The following MALRD1 variants were observed in gnomAD, a reference collection of about 807,000 sequenced individuals.
MALRD1 encodes the protein MAM and LDL receptor class A domain containing 1.
MALRD1 carries 247 observed loss-of-function variants against 242.1 expected under a neutral mutation model. The observed-to-expected ratio is 1.02, with a 90% CI of 0.92 to 1.13. The LOEUF (loss-of-function observed/expected upper bound fraction) is 1.13. Ranked by LOEUF, MALRD1 falls within the 50% of genes most tolerant of loss-of-function variation. MALRD1 has a pLI of 0.00. For synonymous variants in MALRD1, 995 were observed against 866.6 expected, an observed-to-expected ratio of 1.15 and a Z score of -2.60; for missense variants, 2,989 against 2,533.1, an observed-to-expected ratio of 1.18 and a Z score of -3.86.
At position 19,387,541 on chromosome 10, in the gene MALRD1, T is replaced by A; in HGVS notation, c.4455T>A (p.Leu1485=). Residue 1485 remains leucine (L), a synonymous_variant, in exon 27 of 40, where the codon CTT becomes CTA. Transcript: ENST00000454679. ...AVPLPTGFCP[L]GYRECHNGKC... ...GTTTTGTTTTAGGTTTCTGCCCACTTGGCTATAGGGAATGTCATAATGGAA... is the reference window on the plus strand; with the variant it reads ...GTTTTGTTTTAGGTTTCTGCCCACTAGGCTATAGGGAATGTCATAATGGAA... The A allele has an allele frequency of 1.3e-6, 2 of 1,550,172 alleles. No homozygotes were observed. Among genetic ancestry groups the A allele is most frequent in the South Asian group, 1.2e-5 (1 of 84,014 alleles).
intron 15 of MALRD1, among the ~76,000 whole-genome samples, 159 bp downstream of exon 15, chr10:19,204,039 C>G (rs17721294): frequency 0.065 from 9,943 of 152,206 alleles, 435 homozygotes; most frequent in Middle Eastern, 0.11. Flanking sequence ...GGACTGATTC[C>G]TTTATGGGTG....
intron 10 of MALRD1, among the ~76,000 whole-genome samples, chr10:19,143,020 A>G (rs1833605115): frequency 6.6e-6 from 1 of 152,250 alleles, no homozygotes; most frequent in Non-Finnish European, 1.5e-5. Flanking sequence ...AGGTTCTTAC[A>G]GAGGTGGTTG....
At chr10:19,648,744 A>G (rs1840749800) in intron 36 of MALRD1, among the ~76,000 whole-genome samples, 2 of 151,330 alleles carry the variant, frequency 1.3e-5, no homozygotes, top group Non-Finnish European at 1.5e-5. Context: ...TGCTAAAACA[A>G]TTTTTTAAAC....
rs529736527 is a variant in MALRD1 at position 19,298,720 on chromosome 10, G to T, written c.3419+15539G>T. Among the ~76,000 whole-genome samples the T allele has an allele frequency of 2.0e-5, 3 of 152,084 alleles. No individual in the cohort carries two copies. In the South Asian group the frequency reaches 6.2e-4, roughly 32 times the overall value. The stretch of plus-strand genomic sequence containing the variant: ...ACTCAGCACCTTAAGATGCTCAGCA[G>T]CATGAGCGGGTGAGAAGTTAAGAGT... On this transcript the variant is annotated intron_variant, in intron 21 of 39. Coordinates refer to ENST00000454679, the MANE Select transcript of MALRD1 (RefSeq NM_001142308.3).
At chr10:19,693,603 A>G (rs1054718794) in intron 38 of MALRD1, among the ~76,000 whole-genome samples, 4 of 152,252 alleles carry the variant, frequency 2.6e-5, no homozygotes, top group African/African-American at 9.6e-5. Context: ...AGAACCTTCC[A>G]TGCTCGTGGA....
intron 29 of MALRD1, among the ~76,000 whole-genome samples, chr10:19,460,222 A>T (rs539858440): frequency 6.6e-6 from 1 of 152,152 alleles, no homozygotes; most frequent in Non-Finnish European, 1.5e-5. Flanking sequence ...GTCCTGAAAT[A>T]TCGGTACAGA....
At chr10:19,463,989 A>G (rs1836088097) in intron 29 of MALRD1, among the ~76,000 whole-genome samples, 1 of 152,052 alleles carries the variant, frequency 6.6e-6, no homozygotes, top group Non-Finnish European at 1.5e-5. Context: ...ATTTTTTCAT[A>G]TGTTTGTTGA....
At chr10:19,098,541 GATGAGGAAATAATT>G (rs991903576) in intron 4 of MALRD1, among the ~76,000 whole-genome samples, 1 of 152,088 alleles carries the variant, frequency 6.6e-6, no homozygotes, top group Non-Finnish European at 1.5e-5. Context: ...GATAACATAT[GATGAGGAAATAATT>G]ACTCTCATCA....
intron 9 of MALRD1, 87 bp downstream of exon 9, chr10:19,134,035 A>C (rs909452664): frequency 1.9e-6 from 1 of 538,210 alleles, no homozygotes; most frequent in Non-Finnish European, 2.8e-6. Flanking sequence ...TGCTAAAGTT[A>C]AATTAGCAGT....
intron 32 of MALRD1, among the ~76,000 whole-genome samples, chr10:19,551,076 TC>T (rs760194143): frequency 9.2e-5 from 14 of 152,244 alleles, no homozygotes; most frequent in Admixed American, 4.6e-4. Context: ...TGATTGAGCT[TC>T]TTTTTCATAT....
chr10:19,240,851 G>A (rs931414183), intron 18 of MALRD1, among the ~76,000 whole-genome samples: 2 of 151,980 alleles, frequency 1.3e-5, no homozygotes, highest in African/African-American at 4.8e-5. Context: ...TTCTATTGTG[G>A]TGGTGTATCA....
At chr10:19,419,921 A>C (rs1421455069) in intron 28 of MALRD1, among the ~76,000 whole-genome samples, 2 of 152,202 alleles carry the variant, frequency 1.3e-5, no homozygotes, top group Admixed American at 1.3e-4. Context: ...AAGAAGACAT[A>C]AAGTGTCACT....
intron 36 of MALRD1, among the ~76,000 whole-genome samples, chr10:19,680,953 GA>G (rs1842344397): frequency 6.6e-6 from 1 of 152,168 alleles, no homozygotes; most frequent in South Asian, 2.1e-4. Context: ...TTGTCTTTAA[GA>G]ATGTTAAATA....
At chr10:19,190,576 GTA>G (rs1216880545) in intron 14 of MALRD1, among the ~76,000 whole-genome samples, 2 of 151,428 alleles carry the variant, frequency 1.3e-5, no homozygotes, top group Non-Finnish European at 2.9e-5. Flanking sequence ...AAACAGTATG[GTA>G]CTGCCAAAAA....
At chr10:19,257,872 C>T in intron 19 of MALRD1, 101 bp downstream of exon 19, 2 of 751,260 alleles carry the variant, frequency 2.7e-6, no homozygotes, top group Non-Finnish European at 4.1e-6. Flanking sequence ...TCCAATATGA[C>T]CTTGCTTTTA....
chr10:19,570,215 G>A lies in MALRD1; in HGVS notation c.5680+2512G>A, dbSNP rs1836458068. ...CCAAAATCCAGAGTCTTAAGGCATA[G>A]CTTCTACAGCACGACTTCATTATTG... On this transcript the variant is annotated intron_variant, in intron 33 of 39. Coordinates refer to ENST00000454679, the MANE Select transcript of MALRD1 (RefSeq NM_001142308.3). Among the ~76,000 whole-genome samples the A allele has an allele frequency of 2.0e-5, 3 of 151,988 alleles. No individual in the cohort carries two copies. The South Asian group carries it at 6.2e-4, about 31-fold the overall frequency.
At chr10:19,315,763 T>C (rs1475834159) in intron 21 of MALRD1, among the ~76,000 whole-genome samples, 1 of 141,558 alleles carries the variant, frequency 7.1e-6, no homozygotes, top group Non-Finnish European at 1.5e-5. Context: ...ATGTAATATA[T>C]ATGTATATAA....
At chr10:19,591,201 T>A (rs1338387407) in intron 33 of MALRD1, among the ~76,000 whole-genome samples, 1 of 152,232 alleles carries the variant, frequency 6.6e-6, no homozygotes, top group African/African-American at 2.4e-5. Context: ...AACCTACATT[T>A]AAGGTAGTGC....
intron 29 of MALRD1, among the ~76,000 whole-genome samples, chr10:19,476,279 C>T (rs1836726281): frequency 6.6e-6 from 1 of 152,094 alleles, no homozygotes. Flanking sequence ...CATTCAGTCC[C>T]AAATGGAATA....
Sources: gnomAD v4.1 joint callset for allele counts (sites outside exome capture counted in the v4.1 genomes callset) on GRCh38, gnomAD v4.1.1 for gene constraint, MANE v1.5 for transcripts, NCBI Gene and HGNC (gene_info 2026-07-23, HGNC 2026-07-21) for gene names.